WBP11: variants seen among roughly 807,000 people sequenced by gnomAD.
The protein encoded by WBP11 is WW domain binding protein 11.
A neutral mutation model predicts 66.7 loss-of-function variants in WBP11; 12 were observed. That is an observed-to-expected ratio of 0.18 (90% CI 0.12 to 0.29). WBP11 has a LOEUF of 0.29. Among genes scored for constraint, WBP11 ranks in the 10% least tolerant of loss-of-function variants. The probability of loss-of-function intolerance (pLI) is 1.00; values close to 1 mark genes in which losing one functional copy is unlikely to be tolerated. For missense variants in WBP11, 555 were observed against 818.3 expected (o/e 0.68, Z 3.93); for synonymous variants, 255 against 273.8 (o/e 0.93, Z 0.68).
At chr12:14,797,388 T>G (rs1369593819) in intron 4 of WBP11, among the ~76,000 whole-genome samples, 1 of 152,180 alleles carries the variant, frequency 6.6e-6, no homozygotes, top group Non-Finnish European at 1.5e-5. Context: ...CTTCCTCATC[T>G]AAAAAATGGA....
At chr12:14,799,574 C>A (rs1172409091) in intron 4 of WBP11, 61 bp downstream of exon 4, 3 of 1,512,310 alleles carry the variant, frequency 2.0e-6, no homozygotes, top group African/African-American at 2.8e-5. Flanking sequence ...CTGCTTCACT[C>A]GTTACCTGCC....
intron 7 of WBP11, 116 bp downstream of exon 7, chr12:14,794,421 A>G (rs1282379390): frequency 2.7e-6 from 3 of 1,100,316 alleles, no homozygotes. Flanking sequence ...TATATTAGTT[A>G]TGTACATGAT....
Position 14,794,710 on chromosome 12 carries a change from A to G in WBP11, c.548T>C (p.Leu183Pro). The change falls in exon 7 of 12, where the codon CTT becomes CCT. Residue 183 changes from leucine (L) to proline (P), a missense_variant. By Grantham distance (98) the Leu-to-Pro change is moderately conservative (BLOSUM62 -3). Around this residue, in one of 6 missense-constraint regions of WBP11, gnomAD observed 220 missense variants for 268.2 expected, o/e 0.82. Coordinates refer to ENST00000261167, the MANE Select transcript of WBP11 (RefSeq NM_016312.3). ...TGGAACACCATGTCCAAGAAGAGGA[A>G]GGATAGAAACTGCCCGAGTTGGAGG... ...YGPPTRAVSI[L>P]PLLGHGVPRL... 1.3e-6 allele frequency: 2 copies of G among 1,584,774 alleles called. No homozygotes were observed. The highest frequency in any genetic ancestry group is 1.7e-6 in the Non-Finnish European group (2 of 1,168,366).
At chr12:14,790,188 T>C (rs1337639060) in intron 10 of WBP11, among the ~76,000 whole-genome samples, 1 of 152,240 alleles carries the variant, frequency 6.6e-6, no homozygotes, top group African/African-American at 2.4e-5. Flanking sequence ...CTCCATTACA[T>C]GTTCAAGTTT....
In WBP11 at chr12:14,785,247, GCAA is replaced by G. The variant is rs1003836994; in HGVS notation, c.*1815_*1817del. Reference sequence around the variant, plus strand: ...ATCACATCACTGCACTGCAGCCTGGGCAACAGAGTTAGAACCTGTCTCCATGGA... The same window carrying G: ...ATCACATCACTGCACTGCAGCCTGGGCAGAGTTAGAACCTGTCTCCATGGA... On this transcript the variant is annotated 3_prime_UTR_variant, in exon 12 of 12. Transcript: ENST00000261167. 2.0e-5 allele frequency: 3 copies of G among 152,192 alleles called. No homozygotes were observed. Among genetic ancestry groups the G allele is most frequent in the African/African-American group, 7.2e-5 (3 of 41,450 alleles). The allele number at this position is 152,192 out of a possible 1,614,324, so 9.4% of individuals were successfully genotyped here. A position where few individuals can be genotyped will look rare whatever the true frequency, so the allele number is the denominator to read the frequency against.
intron 10 of WBP11, among the ~76,000 whole-genome samples, chr12:14,789,516 C>T (rs1477656869): frequency 6.6e-6 from 1 of 151,888 alleles, no homozygotes; most frequent in Admixed American, 6.6e-5. Flanking sequence ...ACCCGGGAGG[C>T]GGAGCTTGTA....
In WBP11 at chr12:14,786,380, G is replaced by C. The variant is rs1324937119; in HGVS notation, c.*685C>G. On this transcript the variant is annotated 3_prime_UTR_variant, in exon 12 of 12. Transcript: ENST00000261167. ...TCAGTAAGATTCTCATTCTGTACCA[G>C]AAAGGCAGTTCCTTAAAGACCCAAG... The C allele has an allele frequency of 1.3e-5, 2 of 152,140 alleles. No homozygotes were observed. Among genetic ancestry groups the C allele is most frequent in the African/African-American group, 2.4e-5 (1 of 41,422 alleles). The allele number at this position is 152,140 out of a possible 1,614,324, so 9.4% of individuals were successfully genotyped here. A position where few individuals can be genotyped will look rare whatever the true frequency, so the allele number is the denominator to read the frequency against.
intron 6 of WBP11, 112 bp downstream of exon 6, chr12:14,794,859 C>G (rs1470926940): frequency 1.9e-6 from 3 of 1,565,752 alleles, no homozygotes; most frequent in East Asian, 2.2e-5. Context: ...AATCAAATGT[C>G]ACACTGTTTA....
intron 4 of WBP11, 187 bp downstream of exon 4, chr12:14,799,448 T>A (rs989731076): frequency 2.2e-6 from 1 of 455,574 alleles, no homozygotes; most frequent in Admixed American, 4.1e-5. Context: ...CTTATTCTGG[T>A]ATCTGGGGTC....
At chr12:14,788,726 T>C (rs1949786084) in intron 11 of WBP11, among the ~76,000 whole-genome samples, 1 of 152,158 alleles carries the variant, frequency 6.6e-6, no homozygotes, top group Non-Finnish European at 1.5e-5. Context: ...AATTATCAAA[T>C]AGAGAATTTA....
chr12:14,797,019 G>T lies in WBP11; in HGVS notation c.191-16C>A, dbSNP rs1949901344. 6.4e-7 allele frequency: 1 copy of T among 1,553,612 alleles called. No homozygotes were observed. ...GGGTTAAACTCTAAGAGAAAAAGTA[G>T]ATTATGGAATTAAATATAAGAGGCC... On this transcript the variant is annotated splice_polypyrimidine_tract_variant and intron_variant, in intron 4 of 11. Transcript: ENST00000261167.
rs1339131543 is a variant in WBP11, at chr12:14,796,376, T to A, written c.387+431A>T. Reference sequence around the variant, plus strand: ...GTTCACACAGTAGGTATATGTTTAGTTTTAGAAGAAACTGCTATAAGGAAG... The same window carrying A: ...GTTCACACAGTAGGTATATGTTTAGATTTAGAAGAAACTGCTATAAGGAAG... On this transcript the variant is annotated intron_variant, in intron 5 of 11. Transcript: ENST00000261167. This position sits in a 1 kb window ranked among gnomAD's most constrained non-coding sequence, Gnocchi z 4.5. Among the ~76,000 whole-genome samples the A allele has an allele frequency of 6.6e-6, 1 of 152,158 alleles. No homozygotes were observed. The highest frequency in any genetic ancestry group is 1.5e-5 in the Non-Finnish European group (1 of 68,018).
Position 14,787,201 on chromosome 12 carries a change from T to C in WBP11, c.1790A>G (p.Gln597Arg). Residue 597 changes from glutamine (Q) to arginine (R), a missense_variant, in exon 12 of 12, where the codon CAA (glutamine) becomes CGA (arginine). Gln to Arg is a conservative substitution (Grantham distance 43). Transcript: ENST00000261167. ...AGCAGAATCATCCTCTGACTTTCTT[T>C]GGGGAGCAGCAGTAGCCCCTTTATT... is the stretch of plus-strand genomic sequence containing the variant. The part of the protein sequence containing the change: ...RENKGATAAP[Q>R]RKSEDDSAVP... 1.2e-6 allele frequency: 2 copies of C among 1,614,116 alleles called. No homozygotes were observed. Among genetic ancestry groups the C allele is most frequent in the Non-Finnish European group, 1.7e-6 (2 of 1,180,034 alleles).
At chr12:14,797,911 A>G (rs560892878) in intron 4 of WBP11, among the ~76,000 whole-genome samples, 32 of 152,328 alleles carry the variant, frequency 2.1e-4, no homozygotes, top group Admixed American at 1.3e-4. Context: ...ACAGATGGAC[A>G]GTACTGATGA....
intron 2 of WBP11, chr12:14,800,997 AAAC>A (rs1339597558): frequency 2.1e-6 from 1 of 487,220 alleles, no homozygotes; most frequent in East Asian, 3.2e-5. Flanking sequence ...GTTTCATAAA[AAAC>A]AACTATGAAT....
intron 8 of WBP11, 64 bp from the exon 9 acceptor site, chr12:14,791,334 C>T (rs1592217248): frequency 1.4e-5 from 19 of 1,380,112 alleles, no homozygotes; most frequent in Admixed American, 1.7e-5. Context: ...ATGTTTACTA[C>T]GTAGCACTAT....
chr12:14,799,054 TTATAACAAAGCAGCGATACTTAAAATGCA>T (rs1189128536), intron 4 of WBP11, among the ~76,000 whole-genome samples: 1 of 152,208 alleles, frequency 6.6e-6, no homozygotes, highest in Non-Finnish European at 1.5e-5. Flanking sequence ...GTGATTCCAG[TTATAACAAAGCAGCGATACTTAAAATGCA>T]TATGAAGAGT....
At position 14,791,155 on chromosome 12, in the gene WBP11, T is replaced by C; in HGVS notation, c.1015+14A>G. On this transcript the variant is annotated intron_variant, in intron 9 of 11. Coordinates refer to ENST00000261167, the MANE Select transcript of WBP11 (RefSeq NM_016312.3). ...TACACCAAAAGGTGATTCACTATTT[T>C]TTCCCTGCCTCACCTGCCATACGAA... 3.7e-6 allele frequency: 6 copies of C among 1,612,976 alleles called. No homozygotes were observed. The highest frequency in any genetic ancestry group is 5.1e-6 in the Non-Finnish European group (6 of 1,179,112).
chr12:14,789,416 C>T (rs1949795317), intron 10 of WBP11, among the ~76,000 whole-genome samples: 1 of 152,076 alleles, frequency 6.6e-6, no homozygotes. Context: ...AACCCCATCT[C>T]TACTAAAAAT....
Sources: gnomAD v4.1 joint callset for allele counts (sites outside exome capture counted in the v4.1 genomes callset) on GRCh38, gnomAD v4.1.1 for gene constraint, gnomAD v4.1.1 regional missense constraint, Gnocchi (gnomAD v3.1) non-coding constraint, MANE v1.5 for transcripts, NCBI Gene and HGNC (gene_info 2026-07-23, HGNC 2026-07-21) for gene names.